ANKRD30A: variants seen among roughly 807,000 people sequenced by gnomAD.
ANKRD30A encodes the protein ankyrin repeat domain-containing protein 30A.
ANKRD30A carries 170 observed loss-of-function variants against 166.3 expected under a neutral mutation model. The observed-to-expected ratio is 1.02, with a 90% CI of 0.90 to 1.16. The LOEUF (loss-of-function observed/expected upper bound fraction) is 1.16, where lower values mean the gene tolerates loss of function less well. Ranked by LOEUF, ANKRD30A falls within the 50% of genes most tolerant of loss-of-function variation. The pLI, the probability that ANKRD30A is intolerant of heterozygous loss-of-function variation, is 0.00. For synonymous variants in ANKRD30A, 564 were observed against 508.9 expected, an observed-to-expected ratio of 1.11 and a Z score of -1.46; for missense variants, 1,630 against 1,518.0, an observed-to-expected ratio of 1.07 and a Z score of -1.23.
At chr10:37,256,761 A>G in the ANKRD30A span, among the ~76,000 whole-genome samples, 5 of 152,232 alleles carry the variant, frequency 3.3e-5, no homozygotes, top group African/African-American at 4.8e-5. Context: ...CATATGGTGG[A>G]TAAGCTTTTG....
chr10:37,159,146 T>A (rs893507189), intron 15 of ANKRD30A, among the ~76,000 whole-genome samples: 1 of 152,212 alleles, frequency 6.6e-6, no homozygotes, highest in African/African-American at 2.4e-5. Context: ...TGTCTTTTAA[T>A]GCTACTGTAA....
chr10:37,190,394 G>T (rs71489114), intron 25 of ANKRD30A, among the ~76,000 whole-genome samples: 1 of 151,736 alleles, frequency 6.6e-6, no homozygotes, highest in East Asian at 1.9e-4. Flanking sequence ...TCAGGAGAAA[G>T]CATCATGGTG....
At chr10:37,209,846 G>C (rs552865911) in intron 31 of ANKRD30A, among the ~76,000 whole-genome samples, 1 of 152,054 alleles carries the variant, frequency 6.6e-6, no homozygotes, top group South Asian at 2.1e-4. Flanking sequence ...ACACTGACTA[G>C]ATCTTATTTT....
At chr10:37,264,345 G>A in the ANKRD30A span, among the ~76,000 whole-genome samples, 4 of 152,210 alleles carry the variant, frequency 2.6e-5, no homozygotes, top group Non-Finnish European at 5.9e-5. Context: ...ATTACTTGAA[G>A]TCATTGTTAA....
intron 31 of ANKRD30A, among the ~76,000 whole-genome samples, chr10:37,214,672 C>T (rs1036858765): frequency 2.0e-5 from 3 of 150,204 alleles, no homozygotes; most frequent in African/African-American, 7.3e-5. Flanking sequence ...GCTTTGCTGT[C>T]TTAGTGGTTT....
chr10:37,262,947 T>C, the ANKRD30A span, among the ~76,000 whole-genome samples: 35 of 152,268 alleles, frequency 2.3e-4, no homozygotes, highest in African/African-American at 8.4e-4. Flanking sequence ...TATTTTTAAA[T>C]AAGATGATGC....
At position 37,165,383 on chromosome 10, in the gene ANKRD30A, G is replaced by GT. The variant is rs558249284; in HGVS notation, c.2064+229dup. Among the ~76,000 whole-genome samples the GT allele has an allele frequency of 2.2e-4, 33 of 152,300 alleles. No homozygotes were observed. In the South Asian group the frequency reaches 6.6e-3, roughly 31 times the overall value. On this transcript the variant is annotated intron_variant, in intron 18 of 35. Transcript: ENST00000361713. ...ATTTAAGAAGCCAAAGTGGTATAGT[G>GT]TAAAAACTAAGGCTTAGAATTCACT...
At chr10:37,136,269 A>G (rs1321573529) in intron 5 of ANKRD30A, among the ~76,000 whole-genome samples, 1 of 152,200 alleles carries the variant, frequency 6.6e-6, no homozygotes, top group Non-Finnish European at 1.5e-5. Flanking sequence ...ATTGAGCCTA[A>G]GAGAAGCAAC....
intron 25 of ANKRD30A, among the ~76,000 whole-genome samples, chr10:37,190,790 A>T (rs4121288): frequency 1.8e-4 from 28 of 151,756 alleles, no homozygotes; most frequent in Non-Finnish European, 3.1e-4. Context: ...ACTCATTAAT[A>T]ATCTTTATTA....
chr10:37,179,617 C>G (rs1308987322), intron 24 of ANKRD30A, among the ~76,000 whole-genome samples: 1 of 148,372 alleles, frequency 6.7e-6, no homozygotes, highest in East Asian at 2.0e-4. Context: ...GATGAGATGT[C>G]AATTCTACAT....
chr10:37,224,667 T>C (rs1389107237), intron 34 of ANKRD30A, among the ~76,000 whole-genome samples: 2 of 151,478 alleles, frequency 1.3e-5, no homozygotes, highest in African/African-American at 4.8e-5. Flanking sequence ...GTTCTCTGAT[T>C]CCAATTAATA....
At chr10:37,190,289 G>T (rs140545965) in intron 25 of ANKRD30A, among the ~76,000 whole-genome samples, 1 of 151,824 alleles carries the variant, frequency 6.6e-6, no homozygotes, top group Non-Finnish European at 1.5e-5. Flanking sequence ...GATGCTGGTG[G>T]TCCTTGGACG....
intron 5 of ANKRD30A, among the ~76,000 whole-genome samples, chr10:37,135,793 G>T (rs1396565759): frequency 6.6e-6 from 1 of 152,034 alleles, no homozygotes; most frequent in Non-Finnish European, 1.5e-5. Context: ...CCAATTTGAT[G>T]AATTAATATA....
intron 30 of ANKRD30A, 102 bp downstream of exon 30, chr10:37,199,890 C>T (rs542416818): frequency 4.4e-5 from 27 of 614,298 alleles, no homozygotes; most frequent in Admixed American, 1.3e-4. Context: ...ATATGTCACC[C>T]GCAAATTATT....
rs368469765 is a variant in ANKRD30A, at chr10:37,166,052, G to A, written c.2065-553G>A. The stretch of plus-strand genomic sequence containing the variant: ...TTTTCTCTCACCAAAAATTTTGTCA[G>A]AAACATGTTGCTTATTTTAAGCCCC... On this transcript the variant is annotated intron_variant, in intron 18 of 35. Transcript: ENST00000361713. 3.0e-4 allele frequency among the ~76,000 whole-genome samples: 46 copies of A among 152,140 alleles called. No homozygotes were observed. In the South Asian group the frequency reaches 5.2e-3, roughly 17 times the overall value.
chr10:37,263,599 G>A, the ANKRD30A span, among the ~76,000 whole-genome samples: 3 of 151,974 alleles, frequency 2.0e-5, no homozygotes, highest in Non-Finnish European at 4.4e-5. Flanking sequence ...TCTCAATAGG[G>A]TTCGTGCTCC....
chr10:37,150,888 C>T (rs1564491229), intron 11 of ANKRD30A, among the ~76,000 whole-genome samples: 1 of 152,038 alleles, frequency 6.6e-6, no homozygotes, highest in African/African-American at 2.4e-5. Context: ...CAATCATACA[C>T]TCCACTAAGA....
At chr10:37,179,626 A>G (rs1201796163) in intron 24 of ANKRD30A, among the ~76,000 whole-genome samples, 1 of 148,056 alleles carries the variant, frequency 6.8e-6, no homozygotes, top group Middle Eastern at 3.2e-3. Context: ...TCAATTCTAC[A>G]TTCAGCTGAA....
At chr10:37,130,725 C>T (rs1836332941) in intron 3 of ANKRD30A, among the ~76,000 whole-genome samples, 1 of 151,976 alleles carries the variant, frequency 6.6e-6, no homozygotes, top group Non-Finnish European at 1.5e-5. Context: ...ATTTAGGAGA[C>T]ATGCAGAAAT....
Sources: allele counts gnomAD v4.1 joint callset (sites outside exome capture counted in the v4.1 genomes callset), GRCh38; gene constraint gnomAD v4.1.1; transcripts MANE v1.5; gene names NCBI Gene and HGNC (gene_info 2026-07-23, HGNC 2026-07-21).